Variants in DACH1 observed in about 807,000 individuals in gnomAD.
The protein encoded by DACH1 is dachshund homolog 1.
DACH1 carries 12 observed loss-of-function variants against 54.2 expected under a neutral mutation model. The observed-to-expected ratio is 0.22, with a 90% CI of 0.14 to 0.36. The LOEUF (loss-of-function observed/expected upper bound fraction) is 0.36. Ranked by LOEUF, DACH1 falls within the 10% of genes least tolerant of loss-of-function variation. DACH1 has a pLI of 1.00. For missense variants in DACH1, 805 were observed against 929.8 expected (o/e 0.87, Z 1.75); for synonymous variants, 386 against 366.2 (o/e 1.05, Z -0.62).
At chr13:71,729,709 T>A (rs1037108931) in intron 1 of DACH1, among the ~76,000 whole-genome samples, 3 of 152,096 alleles carry the variant, frequency 2.0e-5, no homozygotes, top group Admixed American at 2.0e-4. Flanking sequence ...ATTCAATTGT[T>A]AGTGTATTGT....
At chr13:71,780,776 T>C (rs1296615078) in intron 1 of DACH1, among the ~76,000 whole-genome samples, 2 of 152,226 alleles carry the variant, frequency 1.3e-5, no homozygotes, top group Non-Finnish European at 2.9e-5. Flanking sequence ...CTTTCCTGCC[T>C]TTTTAATGTT....
intron 1 of DACH1, among the ~76,000 whole-genome samples, chr13:71,727,038 C>A (rs1030407628): frequency 6.6e-6 from 1 of 151,930 alleles, no homozygotes; most frequent in African/African-American, 2.4e-5. Flanking sequence ...AGGCTGAATT[C>A]TTTGCCTGAT....
In DACH1 at chr13:71,786,393, G is replaced by T. The variant is rs374812023; in HGVS notation, c.848+79529C>A. ...CATAGAAAGTGGAAGTTGACATGGC[G>T]GCCACAGCTTCATAGCCAGGCAGGT... On this transcript the variant is annotated intron_variant, in intron 1 of 10. Coordinates refer to ENST00000613252, the MANE Select transcript of DACH1 (RefSeq NM_080759.6). 5.3e-5 allele frequency among the ~76,000 whole-genome samples: 8 copies of T among 152,164 alleles called. 1 individual carries two copies. In the East Asian group the frequency reaches 7.7e-4, roughly 15 times the overall value.
intron 3 of DACH1, among the ~76,000 whole-genome samples, chr13:71,576,478 C>T (rs1197717809): frequency 7.9e-5 from 12 of 152,076 alleles, no homozygotes; most frequent in Non-Finnish European, 1.6e-4. Flanking sequence ...TGGGCTCAGA[C>T]TATTTTCCTT....
intron 1 of DACH1, among the ~76,000 whole-genome samples, chr13:71,697,137 G>A (rs1327223320): frequency 6.6e-5 from 10 of 152,090 alleles, no homozygotes; most frequent in Non-Finnish European, 7.4e-5. Flanking sequence ...TATCTGTCTT[G>A]CATATTTCAT....
intron 10 of DACH1, among the ~76,000 whole-genome samples, chr13:71,467,659 A>C (rs1876712279): frequency 6.6e-6 from 1 of 152,170 alleles, no homozygotes; most frequent in African/African-American, 2.4e-5. Flanking sequence ...ACAATGACCT[A>C]TAATAACTAT....
intron 3 of DACH1, among the ~76,000 whole-genome samples, chr13:71,599,218 CAT>C (rs764337299): frequency 2.3e-4 from 35 of 152,206 alleles, no homozygotes; most frequent in East Asian, 1.5e-3. Context: ...GCACTATTCA[CAT>C]GTTTTAAATA....
chr13:71,444,241 CTAG>C (rs1272637298), intron 10 of DACH1, among the ~76,000 whole-genome samples: 6 of 151,942 alleles, frequency 3.9e-5, no homozygotes, highest in African/African-American at 1.4e-4. Context: ...GTTTAAAAAT[CTAG>C]TAACAGAGAA....
chr13:71,833,604 C>CACCA (rs1888672258), intron 1 of DACH1, among the ~76,000 whole-genome samples: 1 of 151,906 alleles, frequency 6.6e-6, no homozygotes, highest in Admixed American at 6.6e-5. Context: ...TCAGAGCCCA[C>CACCA]ACCAACTATG....
rs183137344 is a variant in DACH1 at position 71,819,145 on chromosome 13, A to G, written c.848+46777T>C. ...GCAATTGGAACATGGAGCTGAAGCT[A>G]TAGGAAAGTCTCCCTGCAAGAACTG... On this transcript the variant is annotated intron_variant, in intron 1 of 10. Transcript: ENST00000613252. 5.8e-4 allele frequency among the ~76,000 whole-genome samples: 89 copies of G among 152,336 alleles called. 2 individuals are homozygous for G. The highest frequency in any genetic ancestry group is 1.9e-3 in the African/African-American group (79 of 41,584).
chr13:71,616,409 T>C (rs1465495376), intron 3 of DACH1, among the ~76,000 whole-genome samples: 1 of 152,190 alleles, frequency 6.6e-6, no homozygotes, highest in African/African-American at 2.4e-5. Flanking sequence ...TTATGTCCAA[T>C]TTCATTATGT....
At chr13:71,856,206 C>T (rs1375556656) in intron 1 of DACH1, among the ~76,000 whole-genome samples, 3 of 151,988 alleles carry the variant, frequency 2.0e-5, no homozygotes, top group Admixed American at 6.6e-5. Context: ...TCAGTTCATT[C>T]CTTTCCCATG....
intron 2 of DACH1, among the ~76,000 whole-genome samples, chr13:71,677,812 C>T (rs561709328): frequency 2.6e-5 from 4 of 151,954 alleles, no homozygotes; most frequent in African/African-American, 9.7e-5. Flanking sequence ...CTTTGCCTCC[C>T]GAGTTCAAGC....
At chr13:71,628,285 C>A (rs1225213934) in intron 3 of DACH1, among the ~76,000 whole-genome samples, 1 of 151,996 alleles carries the variant, frequency 6.6e-6, no homozygotes, top group Non-Finnish European at 1.5e-5. Context: ...CACATCCCTC[C>A]CAAAATCACT....
At chr13:71,679,799 A>G (rs1594089250) in intron 2 of DACH1, among the ~76,000 whole-genome samples, 1 of 152,122 alleles carries the variant, frequency 6.6e-6, no homozygotes, top group Non-Finnish European at 1.5e-5. Flanking sequence ...CCTGGCCAAC[A>G]TGGTGAAACT....
chr13:71,816,218 C>T (rs1224502944), intron 1 of DACH1, among the ~76,000 whole-genome samples: 1 of 152,046 alleles, frequency 6.6e-6, no homozygotes, highest in Non-Finnish European at 1.5e-5. Flanking sequence ...AACAGAAACA[C>T]AGTCAGGGGT....
At chr13:71,776,294 A>G (rs923980396) in intron 1 of DACH1, among the ~76,000 whole-genome samples, 1 of 152,126 alleles carries the variant, frequency 6.6e-6, no homozygotes, top group African/African-American at 2.4e-5. Context: ...TATTTTTAGG[A>G]TGTATTCAAG....
At chr13:71,463,137 T>A (rs1391058725) in intron 10 of DACH1, among the ~76,000 whole-genome samples, 2 of 151,998 alleles carry the variant, frequency 1.3e-5, no homozygotes, top group South Asian at 2.1e-4. Flanking sequence ...CTAAACTGTA[T>A]TAATGTTAAT....
intron 1 of DACH1, among the ~76,000 whole-genome samples, chr13:71,843,078 AT>A (rs1289311572): frequency 1.3e-5 from 2 of 151,922 alleles, no homozygotes; most frequent in African/African-American, 4.8e-5. Flanking sequence ...TGTTATTTTT[AT>A]TTTTTTAATT....
Sources: gnomAD v4.1 joint callset for allele counts (sites outside exome capture counted in the v4.1 genomes callset) on GRCh38, gnomAD v4.1.1 for gene constraint, MANE v1.5 for transcripts, NCBI Gene and HGNC (gene_info 2026-07-23, HGNC 2026-07-21) for gene names.